The following BCORL1 variants were observed in gnomAD, a reference collection of about 807,000 sequenced individuals.
BCORL1 encodes the protein BCL6 corepressor like 1, also known as BCL-6 corepressor-like protein 1.
In BCORL1, 7 loss-of-function variants were observed where a neutral mutation model predicts 87.6. That is an observed-to-expected ratio of 0.08 (90% CI 0.05 to 0.15). The LOEUF is 0.15. Among genes scored for constraint, BCORL1 ranks in the 10% least tolerant of loss-of-function variants. The pLI is 1.00. For synonymous variants in BCORL1, 591 were observed against 634.4 expected (o/e 0.93, Z 1.03); for missense variants, 1,215 against 1,499.7 (o/e 0.81, Z 3.13).
chrX:130,026,660 C>T (rs1418385355), intron 7 of BCORL1, among the ~76,000 whole-genome samples: 1 of 110,684 alleles, frequency 9.0e-6, no homozygotes, highest in East Asian at 2.9e-4. Flanking sequence ...AGTTTGCCAC[C>T]CAATGCAAAG....
chrX:130,004,411 A>AT (rs1340626736), intron 1 of BCORL1, among the ~76,000 whole-genome samples: 3 of 109,686 alleles, frequency 2.7e-5, no homozygotes, highest in Non-Finnish European at 3.8e-5. Context: ...CCCCAGGCTA[A>AT]TTTTTTTATT....
Position 130,034,611 on chromosome X carries a change from C to T in BCORL1, c.4462C>T (p.Arg1488Trp), listed in dbSNP as rs1385147534. The stretch of plus-strand genomic sequence containing the variant: ...CCGGCAGATCCCCCCAGAGGCACGT[C>T]GGCTCATAGTGAACAAAAATGCTGG... ...TARQIPPEAR[R>W]LIVNKNAGET... is the part of the protein sequence containing the mutation. The change falls in exon 9 of 14, where the codon CGG becomes TGG. Residue 1488 changes from arginine to tryptophan, a missense_variant. This residue lies in a region of BCORL1 where 55 missense variants were observed against 115.1 expected (regional missense o/e 0.48). Transcript: ENST00000540052. 26 of 981,340 alleles carry T rather than the reference C, an allele frequency of 2.6e-5. No homozygotes were observed. The highest frequency in any genetic ancestry group is 3.3e-5 in the Non-Finnish European group (25 of 755,909). The allele number at this position is 981,340 out of a possible 1,213,427, so 80.9% of individuals were successfully genotyped here.
intron 8 of BCORL1, among the ~76,000 whole-genome samples, chrX:130,029,087 C>T (rs985900841): frequency 4.5e-5 from 5 of 111,861 alleles, no homozygotes; most frequent in Admixed American, 9.5e-5. Context: ...TTTAGATTTT[C>T]TTTGAGTTAA....
chrX:130,034,775 C>A, intron 9 of BCORL1, 99 bp downstream of exon 9: 3 of 591,974 alleles, frequency 5.1e-6, no homozygotes, highest in Non-Finnish European at 7.2e-6. Context: ...CCCAGGCTGG[C>A]CTCCCTCTAC....
chrX:130,030,058 C>G (rs1930491915), intron 8 of BCORL1, among the ~76,000 whole-genome samples: 1 of 111,496 alleles, frequency 9.0e-6, no homozygotes, highest in African/African-American at 3.3e-5. Context: ...CTCCCAGAAC[C>G]TCTTTCCAGC....
Position 130,055,924 on chromosome X carries a change from C to T in BCORL1, c.5146C>T (p.Arg1716Trp). ...LKLSSRIFQA[R>W]FPHFEITTMP... ...GCTTTCCTCGAGGATCTTTCAGGCC[C>T]GGTTCCCGCACTTTGAAATCACCAC... The change falls in exon 14 of 14, where the codon CGG (arginine) becomes TGG (tryptophan). Residue 1716 changes from arginine (R) to tryptophan (W), a missense_variant. Arg to Trp is a moderately radical substitution (Grantham distance 101, BLOSUM62 -3). This residue lies in a region of BCORL1 where 129 missense variants were observed against 157.5 expected (regional missense o/e 0.82). Coordinates refer to ENST00000540052, the MANE Select transcript of BCORL1 (RefSeq NM_001379451.1). 2.5e-6 allele frequency: 3 copies of T among 1,212,060 alleles called. No individual in the cohort carries two copies. The highest frequency in any genetic ancestry group is 3.4e-6 in the Non-Finnish European group (3 of 895,482).
chrX:130,015,479 A>G lies in BCORL1; in HGVS notation c.2707A>G (p.Thr903Ala). ...GSFVPEQDPV[T>A]KNKTCRIAAK... ...CTTCGTTCCAGAGCAGGACCCTGTT[A>G]CAAAGAACAAAACTTGCCGGATTGC... The change falls in exon 4 of 14, where the codon ACA becomes GCA. Residue 903 changes from threonine to alanine, a missense_variant. This residue lies in a region of BCORL1 where 861 missense variants were observed against 1,010.0 expected (regional missense o/e 0.85). Coordinates refer to ENST00000540052, the MANE Select transcript of BCORL1 (RefSeq NM_001379451.1). 1.6e-6 allele frequency: 2 copies of G among 1,212,157 alleles called. No individual in the cohort carries two copies. Among genetic ancestry groups the G allele is most frequent in the South Asian group, 3.5e-5 (2 of 57,033 alleles).
intron 1 of BCORL1, among the ~76,000 whole-genome samples, chrX:129,998,101 T>C (rs1433434325): frequency 9.1e-6 from 1 of 110,027 alleles, no homozygotes; most frequent in African/African-American, 3.3e-5. Flanking sequence ...CTTTTGAGTT[T>C]TTTCCCCCAA....
chrX:130,048,491 A>G lies in BCORL1; in HGVS notation c.4841-2226A>G, dbSNP rs1353790115. Among the ~76,000 whole-genome samples the G allele has an allele frequency of 2.7e-5, 3 of 111,999 alleles. No homozygotes were observed. In the East Asian group the frequency reaches 8.4e-4, roughly 32 times the overall value. ...GATGGTACAGTTGGATTTGTCGTGA[A>G]AGCCAATGGACCTACTTTTTGTTCA... On this transcript the variant is annotated intron_variant, in intron 11 of 13. Coordinates refer to ENST00000540052, the MANE Select transcript of BCORL1 (RefSeq NM_001379451.1).
intron 13 of BCORL1, among the ~76,000 whole-genome samples, chrX:130,053,705 C>T (rs764409198): frequency 2.5e-4 from 28 of 111,934 alleles, no homozygotes; most frequent in Middle Eastern, 9.3e-3. Context: ...CTGCAGCACA[C>T]TGTGAAAATG....
Position 130,057,852 on chromosome X carries a change from T to A in BCORL1, c.*1716T>A, listed in dbSNP as rs1486307835. 9.3e-6 allele frequency: 1 copy of A among 107,501 alleles called. No individual in the cohort carries two copies. The highest frequency in any genetic ancestry group is 3.4e-5 in the African/African-American group (1 of 29,547). 8.9% of individuals were successfully genotyped at this position (107,501 alleles called of 1,213,427 possible). On this transcript the variant is annotated 3_prime_UTR_variant, in exon 14 of 14. Coordinates refer to ENST00000540052, the MANE Select transcript of BCORL1 (RefSeq NM_001379451.1). Reference sequence around the variant, plus strand: ...GTTTTGAACAGTTGTTTTCCCTTTTTAAGAAAAAAAAATACATATATATAT... The same window carrying A: ...GTTTTGAACAGTTGTTTTCCCTTTTAAAGAAAAAAAAATACATATATATAT...
intron 7 of BCORL1, 96 bp downstream of exon 7, chrX:130,025,475 A>G: frequency 3.6e-6 from 3 of 826,454 alleles, no homozygotes; most frequent in Non-Finnish European, 5.1e-6. Context: ...CGGGACCCAG[A>G]GAAACCCGGT....
At position 130,056,208 on chromosome X, in the gene BCORL1, A is replaced by T; in HGVS notation, c.*72A>T. 3 of 1,025,867 alleles carry T rather than the reference A, an allele frequency of 2.9e-6. No individual in the cohort carries two copies. Among genetic ancestry groups the T allele is most frequent in the Non-Finnish European group, 2.6e-6 (2 of 775,569 alleles). The allele number at this position is 1,025,867 out of a possible 1,213,427, so 84.5% of individuals were successfully genotyped here. On this transcript the variant is annotated 3_prime_UTR_variant, in exon 14 of 14. Coordinates refer to ENST00000540052, the MANE Select transcript of BCORL1 (RefSeq NM_001379451.1). The stretch of plus-strand genomic sequence containing the variant: ...TCCCCCACCTCCTTGTCTTTCCCCG[A>T]CCGAGCACCAGACTGCAGAATGAGG...
chrX:129,989,302 ATTTTT>A (rs34124916), intron 1 of BCORL1, among the ~76,000 whole-genome samples: 5 of 71,724 alleles, frequency 7.0e-5, no homozygotes, highest in Non-Finnish European at 1.0e-4. Flanking sequence ...TGCCCGGCTA[ATTTTT>A]TTTTTTTTTT....
At chrX:130,020,776 C>T (rs994257252) in intron 4 of BCORL1, among the ~76,000 whole-genome samples, 1 of 111,521 alleles carries the variant, frequency 9.0e-6, no homozygotes, top group African/African-American at 3.3e-5. Context: ...GGGATGTGGA[C>T]GCCTATGGGG....
At chrX:130,047,536 G>A (rs1030158427) in intron 11 of BCORL1, among the ~76,000 whole-genome samples, 1 of 112,177 alleles carries the variant, frequency 8.9e-6, no homozygotes, top group Admixed American at 9.5e-5. Flanking sequence ...GACAAAGATT[G>A]GTAGTCAGTG....
intron 9 of BCORL1, 30 bp from the exon 10 acceptor site, chrX:130,037,337 T>C: frequency 8.3e-7 from 1 of 1,201,743 alleles, no homozygotes; most frequent in Non-Finnish European, 1.1e-6. Context: ...AGACCTCTCT[T>C]TGCTCATGGA....
intron 9 of BCORL1, among the ~76,000 whole-genome samples, chrX:130,036,755 C>T (rs1297547655): frequency 1.8e-5 from 2 of 112,300 alleles, no homozygotes; most frequent in Admixed American, 1.9e-4. Context: ...CTCAGGGAGT[C>T]GAGGTCTGAG....
intron 13 of BCORL1, 64 bp from the exon 14 acceptor site, chrX:130,055,790 C>T: frequency 3.6e-6 from 4 of 1,098,515 alleles, no homozygotes; most frequent in Non-Finnish European, 3.7e-6. Flanking sequence ...GCAGAGTGTT[C>T]TGGGTCGGTG....
Sources: gnomAD v4.1 joint callset for allele counts (sites outside exome capture counted in the v4.1 genomes callset) on GRCh38, gnomAD v4.1.1 for gene constraint, gnomAD v4.1.1 regional missense constraint, MANE v1.5 for transcripts, NCBI Gene and HGNC (gene_info 2026-07-23, HGNC 2026-07-21) for gene names.